ADCYAP1R1: variants seen among roughly 807,000 people sequenced by gnomAD.
The protein encoded by ADCYAP1R1 is pituitary adenylate cyclase-activating polypeptide type I receptor.
ADCYAP1R1 carries 44 observed loss-of-function variants against 67.6 expected under a neutral mutation model. The ratio of observed to expected loss-of-function variants is 0.65; its 90% CI spans 0.51 to 0.84. ADCYAP1R1 has a LOEUF of 0.84. Among genes scored for constraint, ADCYAP1R1 ranks in the 40% least tolerant of loss-of-function variants. The probability of loss-of-function intolerance (pLI) is 0.00; values close to 1 mark genes in which losing one functional copy is unlikely to be tolerated. For synonymous variants in ADCYAP1R1, 222 were observed against 219.6 expected (o/e 1.01, Z -0.10); for missense variants, 477 against 587.9 (o/e 0.81, Z 1.95).
intron 13 of ADCYAP1R1, among the ~76,000 whole-genome samples, chr7:31,101,660 C>T (rs777961581): frequency 2.1e-4 from 32 of 152,202 alleles, no homozygotes; most frequent in Non-Finnish European, 4.4e-5. Context: ...AAGACCCGAG[C>T]GCCCAAGAGA....
chr7:31,056,955 T>C (rs1040857978), intron 1 of ADCYAP1R1: 1 of 152,022 alleles, frequency 6.6e-6, no homozygotes, highest in African/African-American at 2.4e-5. Flanking sequence ...GGCACTCGTG[T>C]GTCTTGCCTG....
chr7:31,090,988 T>A (rs1297352187), intron 12 of ADCYAP1R1, among the ~76,000 whole-genome samples: 1 of 152,242 alleles, frequency 6.6e-6, no homozygotes, highest in African/African-American at 2.4e-5. Context: ...CTTTGAGAAA[T>A]CTCCAAACTA....
chr7:31,085,215 A>G (rs901676455), intron 8 of ADCYAP1R1, 95 bp from the exon 9 acceptor site: 3 of 1,508,160 alleles, frequency 2.0e-6, no homozygotes, highest in African/African-American at 2.8e-5. Flanking sequence ...CTGCTGAGAT[A>G]AAGCCACAGA....
rs573669973 is a variant in ADCYAP1R1, at chr7:31,056,252, G to A, written c.-72+3574G>A. On this transcript the variant is annotated intron_variant, in intron 1 of 15. Coordinates refer to ENST00000304166, the MANE Select transcript of ADCYAP1R1 (RefSeq NM_001118.5). Reference sequence around the variant, plus strand: ...CCTGAGTGGGCTTCCTGGAGGTGGTGGTGGGGGTTTGAGTTGGCCTTGGAG... The same window carrying A: ...CCTGAGTGGGCTTCCTGGAGGTGGTAGTGGGGGTTTGAGTTGGCCTTGGAG... Among the ~76,000 whole-genome samples, 6 of 152,238 alleles carry A rather than the reference G, an allele frequency of 3.9e-5. No individual in the cohort carries two copies. The South Asian group carries it at 1.2e-3, about 32-fold the overall frequency.
At chr7:31,067,528 G>A (rs1237353468) in intron 3 of ADCYAP1R1, among the ~76,000 whole-genome samples, 2 of 151,810 alleles carry the variant, frequency 1.3e-5, no homozygotes, top group Admixed American at 6.6e-5. Context: ...GAGGGTGGGG[G>A]TGGGTCTATT....
intron 1 of ADCYAP1R1, among the ~76,000 whole-genome samples, chr7:31,059,283 A>C (rs1224373851): frequency 6.6e-6 from 1 of 152,184 alleles, no homozygotes; most frequent in African/African-American, 2.4e-5. Context: ...CATTAATATT[A>C]TTCCCATTTT....
At chr7:31,094,270 G>T (rs989363632) in intron 13 of ADCYAP1R1, among the ~76,000 whole-genome samples, 5 of 151,984 alleles carry the variant, frequency 3.3e-5, no homozygotes, top group African/African-American at 1.2e-4. Flanking sequence ...TGGGGTGGGG[G>T]GCCAGCCCTT....
At chr7:31,096,011 G>T (rs898721522) in intron 13 of ADCYAP1R1, among the ~76,000 whole-genome samples, 1 of 152,174 alleles carries the variant, frequency 6.6e-6, no homozygotes, top group Non-Finnish European at 1.5e-5. Flanking sequence ...GGGGTGAGGG[G>T]GGTTAGGGCT....
At chr7:31,104,540 G>C (rs1304214325) in intron 14 of ADCYAP1R1, among the ~76,000 whole-genome samples, 1 of 152,172 alleles carries the variant, frequency 6.6e-6, no homozygotes, top group African/African-American at 2.4e-5. Flanking sequence ...TAGGAGCTAA[G>C]AGAAATTCTA....
intron 3 of ADCYAP1R1, 149 bp from the exon 4 acceptor site, chr7:31,077,841 GT>G: frequency 1.9e-6 from 1 of 517,012 alleles, no homozygotes; most frequent in African/African-American, 2.0e-5. Context: ...TGTTGGTGTT[GT>G]GTGTGTGTTG....
In ADCYAP1R1 at chr7:31,087,522, C is replaced by A. The variant is rs926601951; in HGVS notation, c.885-105C>A. The A allele has an allele frequency of 3.2e-6, 3 of 937,290 alleles. No homozygotes were observed. The East Asian group carries it at 7.3e-5, about 23-fold the overall frequency. The allele number at this position is 937,290 out of a possible 1,614,324, so 58.1% of individuals were successfully genotyped here. ...CAGCCAGCCCCTCCTCAGAGAGCTGCGGTGGTGAAAGTGTCGGGCACCCAG... is the reference window on the plus strand; with the variant it reads ...CAGCCAGCCCCTCCTCAGAGAGCTGAGGTGGTGAAAGTGTCGGGCACCCAG... On this transcript the variant is annotated intron_variant, in intron 11 of 15. Coordinates refer to ENST00000304166, the MANE Select transcript of ADCYAP1R1 (RefSeq NM_001118.5).
At chr7:31,070,356 G>A (rs1486318002) in intron 3 of ADCYAP1R1, among the ~76,000 whole-genome samples, 1 of 152,234 alleles carries the variant, frequency 6.6e-6, no homozygotes, top group Non-Finnish European at 1.5e-5. Flanking sequence ...TAGTGGAGGA[G>A]GAAGAGGAGG....
chr7:31,080,711 CTCCGGCTGCTGGG>C, intron 5 of ADCYAP1R1, 78 bp downstream of exon 5: 2 of 1,482,740 alleles, frequency 1.3e-6, no homozygotes, highest in Non-Finnish European at 1.9e-6. Flanking sequence ...AGATCCCAGG[CTCCGGCTGCTGGG>C]ATTGGGGTGG....
rs1794583054 is a variant in ADCYAP1R1 at position 31,063,232 on chromosome 7, G to A, written c.-33G>A. 6.2e-7 allele frequency: 1 copy of A among 1,613,966 alleles called. No homozygotes were observed. Among genetic ancestry groups the A allele is most frequent in the Non-Finnish European group, 8.5e-7 (1 of 1,179,922 alleles). Reference sequence around the variant, plus strand: ...TGGGGCTGACCTGCCGCTGCTGTCAGTGGGAGGCCAGTGGTGCTGGCCAAG... The same window carrying A: ...TGGGGCTGACCTGCCGCTGCTGTCAATGGGAGGCCAGTGGTGCTGGCCAAG... On this transcript the variant is annotated 5_prime_UTR_variant, in exon 2 of 16. It adds an upstream start codon to the 5' untranslated region. Coordinates refer to ENST00000304166, the MANE Select transcript of ADCYAP1R1 (RefSeq NM_001118.5).
intron 1 of ADCYAP1R1, among the ~76,000 whole-genome samples, chr7:31,059,755 T>C (rs1307924113): frequency 3.3e-5 from 5 of 151,956 alleles, no homozygotes; most frequent in Non-Finnish European, 7.4e-5. Context: ...TTGGGGGCAG[T>C]GCAGGGTTGC....
At chr7:31,088,485 A>G (rs1795840641) in intron 12 of ADCYAP1R1, among the ~76,000 whole-genome samples, 1 of 152,244 alleles carries the variant, frequency 6.6e-6, no homozygotes, top group African/African-American at 2.4e-5. Flanking sequence ...GATGTAAAAC[A>G]AAGTCTACAC....
chr7:31,096,510 A>T (rs1796201350), intron 13 of ADCYAP1R1, among the ~76,000 whole-genome samples: 1 of 152,198 alleles, frequency 6.6e-6, no homozygotes, highest in Admixed American at 6.5e-5. Context: ...CTCATGTTGC[A>T]GACAGAGAAA....
At position 31,102,859 on chromosome 7, in the gene ADCYAP1R1, C is replaced by G. The variant is rs1313497579; in HGVS notation, c.1047-378C>G. On this transcript the variant is annotated intron_variant, in intron 13 of 15. Transcript: ENST00000304166. The surrounding 1 kb of genome is among the most constrained non-coding windows in gnomAD (Gnocchi z 4.3). The stretch of plus-strand genomic sequence containing the variant: ...AGGCACAAAGAGCTTTCTTCCAGAA[C>G]AGGAGAGCGGCTGCTCTGCCTGAGG... Among the ~76,000 whole-genome samples, 2 of 152,200 alleles carry G rather than the reference C, an allele frequency of 1.3e-5. No individual in the cohort carries two copies. Among genetic ancestry groups the G allele is most frequent in the East Asian group, 1.9e-4 (1 of 5,196 alleles).
At position 31,085,326 on chromosome 7, in the gene ADCYAP1R1, C is replaced by T. The variant is rs1446883671; in HGVS notation, c.553C>T (p.Arg185Cys). The T allele has an allele frequency of 1.2e-5, 19 of 1,613,882 alleles. No homozygotes were observed. Among genetic ancestry groups the T allele is most frequent in the African/African-American group, 1.3e-5 (1 of 75,056 alleles). Residue 185 changes from arginine (R) to cysteine (C), a missense_variant, in exon 9 of 16, where the codon CGC (arginine) becomes TGC (cysteine). By Grantham distance (180) the Arg-to-Cys change is radical. Transcript: ENST00000304166. ...CTCATGTAGGAAGCTGCACTGCACA[C>T]GCAACTTCATCCACATGAACCTGTT... ...LCRFRKLHCT[R>C]NFIHMNLFVS...
Sources: gnomAD v4.1 joint callset for allele counts (sites outside exome capture counted in the v4.1 genomes callset) on GRCh38, gnomAD v4.1.1 for gene constraint, Gnocchi (gnomAD v3.1) non-coding constraint, MANE v1.5 for transcripts, NCBI Gene and HGNC (gene_info 2026-07-23, HGNC 2026-07-21) for gene names.